The following KIF16B variants were observed in gnomAD, a reference collection of about 807,000 sequenced individuals.
KIF16B encodes the protein kinesin-like protein KIF16B.
In KIF16B, 98 loss-of-function variants were observed where a neutral mutation model predicts 156.3. The observed-to-expected ratio is 0.63, with a 90% CI of 0.53 to 0.74. The LOEUF (loss-of-function observed/expected upper bound fraction) is 0.74, where lower values mean the gene tolerates loss of function less well. KIF16B is among the 30% of genes least tolerant of loss of function. The pLI is 0.00. For synonymous variants in KIF16B, 564 were observed against 583.7 expected (o/e 0.97, Z 0.49); for missense variants, 1,421 against 1,606.5 (o/e 0.88, Z 1.97).
At chr20:16,381,491 T>TA (rs2065093500) in intron 18 of KIF16B, among the ~76,000 whole-genome samples, 1 of 150,588 alleles carries the variant, frequency 6.6e-6, no homozygotes, top group Non-Finnish European at 1.5e-5. Context: ...AGATGAACGT[T>TA]TAAAAAAATT....
chr20:16,371,607 G>T, intron 21 of KIF16B, 58 bp downstream of exon 21: 8 of 857,896 alleles, frequency 9.3e-6, no homozygotes, highest in East Asian at 2.8e-5. Flanking sequence ...AAAAAAAAAA[G>T]GAAAAAAGAA....
Position 16,573,362 on chromosome 20 carries a change from C to G in KIF16B, c.-87G>C. The G allele has an allele frequency of 7.0e-7, 1 of 1,420,894 alleles. No homozygotes were observed. The highest frequency in any genetic ancestry group is 9.7e-7 in the Non-Finnish European group (1 of 1,029,110). 88.0% of individuals were successfully genotyped at this position (1,420,894 alleles called of 1,614,324 possible). On this transcript the variant is annotated 5_prime_UTR_variant, in exon 1 of 26. Transcript: ENST00000354981. ...ACGCTGGCTACTCAGATCGCGGCTCCCGCCCACTTCCCTCTCGCCCCCGCC... is the reference window on the plus strand; with the variant it reads ...ACGCTGGCTACTCAGATCGCGGCTCGCGCCCACTTCCCTCTCGCCCCCGCC...
intron 12 of KIF16B, among the ~76,000 whole-genome samples, chr20:16,459,392 T>C (rs2067288867): frequency 6.6e-6 from 1 of 152,328 alleles, no homozygotes; most frequent in African/African-American, 2.4e-5. Context: ...AGGCCTTCCT[T>C]TACAGAGTCC....
chr20:16,343,280 G>A (rs2064172997), intron 23 of KIF16B, among the ~76,000 whole-genome samples: 1 of 152,098 alleles, frequency 6.6e-6, no homozygotes, highest in East Asian at 1.9e-4. Context: ...ATTCTCAATT[G>A]AGTGCTTCCC....
Position 16,515,528 on chromosome 20 carries a change from A to G in KIF16B, c.348+20T>C, listed in dbSNP as rs765478944. ...AAAGATAATGAGAAATTTCCTTCCC[A>G]CACAGTATAAACAACGTACAGAATT... On this transcript the variant is annotated intron_variant, in intron 4 of 25. Coordinates refer to ENST00000354981, the MANE Select transcript of KIF16B (RefSeq NM_024704.5). 2 of 1,284,836 alleles carry G rather than the reference A, an allele frequency of 1.6e-6. No individual in the cohort carries two copies. Among genetic ancestry groups the G allele is most frequent in the Non-Finnish European group, 1.1e-6 (1 of 880,970 alleles). The allele number at this position is 1,284,836 out of a possible 1,614,324, so 79.6% of individuals were successfully genotyped here.
chr20:16,361,538 T>C (rs2064552656), intron 22 of KIF16B, among the ~76,000 whole-genome samples: 1 of 152,208 alleles, frequency 6.6e-6, no homozygotes, highest in Non-Finnish European at 1.5e-5. Flanking sequence ...CGTGGCCATA[T>C]ATGCTACAGA....
Position 16,512,909 on chromosome 20 carries a change from T to G in KIF16B, c.363A>C (p.Leu121Phe), listed in dbSNP as rs2069004289. 6.2e-7 allele frequency: 1 copy of G among 1,610,418 alleles called. No homozygotes were observed. Among genetic ancestry groups the G allele is most frequent in the Non-Finnish European group, 8.5e-7 (1 of 1,176,622 alleles). Reference sequence around the variant, plus strand: ...AGAGTCCTTCACAGATCCGAGGTATTAAGCCAGAATCTCCCTGCATGGGAA... The same window carrying G: ...AGAGTCCTTCACAGATCCGAGGTATGAAGCCAGAATCTCCCTGCATGGGAA... ...TMMGNSGDSG[L>F]IPRICEGLFS... is the part of the protein sequence containing the mutation. Residue 121 changes from leucine to phenylalanine, a missense_variant, in exon 5 of 26, where the codon TTA becomes TTC. Physicochemically the swap from Leu to Phe is conservative, Grantham distance 22. Transcript: ENST00000354981.
intron 2 of KIF16B, 118 bp downstream of exon 2, chr20:16,528,253 C>A (rs1864778758): frequency 1.4e-6 from 1 of 734,178 alleles, no homozygotes. Flanking sequence ...ACGTGGCTAA[C>A]TGCACTGGAA....
At chr20:16,400,404 G>A (rs2065619394) in intron 17 of KIF16B, among the ~76,000 whole-genome samples, 1 of 152,206 alleles carries the variant, frequency 6.6e-6, no homozygotes. Context: ...CTTGTGCCCT[G>A]TTGGTGGGAA....
intron 6 of KIF16B, among the ~76,000 whole-genome samples, chr20:16,508,432 G>A (rs1460342432): frequency 6.6e-6 from 1 of 152,204 alleles, no homozygotes; most frequent in Admixed American, 6.5e-5. Context: ...TCGGTTTCAT[G>A]GAAGGCCATT....
intron 12 of KIF16B, among the ~76,000 whole-genome samples, chr20:16,479,829 T>C (rs73898787): frequency 0.029 from 4,344 of 152,278 alleles, 197 homozygotes; most frequent in African/African-American, 0.099. Context: ...TCTATGATGT[T>C]TGCACAATGA....
chr20:16,403,551 C>T (rs1233026377), intron 17 of KIF16B, among the ~76,000 whole-genome samples: 4 of 152,162 alleles, frequency 2.6e-5, no homozygotes, highest in Non-Finnish European at 1.5e-5. Context: ...AAGGCTGACA[C>T]AAGGGAGTCA....
chr20:16,286,457 T>C (rs1208874312), intron 25 of KIF16B, among the ~76,000 whole-genome samples: 1 of 152,104 alleles, frequency 6.6e-6, no homozygotes. Context: ...CTTTCTCTTA[T>C]CCTCATAAAA....
chr20:16,533,790 A>C (rs1412237189), intron 1 of KIF16B, among the ~76,000 whole-genome samples: 1 of 152,148 alleles, frequency 6.6e-6, no homozygotes, highest in Non-Finnish European at 1.5e-5. Context: ...GTGTTTCTCA[A>C]TGTCAATCTA....
At chr20:16,571,790 C>T (rs949717722) in intron 1 of KIF16B, among the ~76,000 whole-genome samples, 4 of 151,996 alleles carry the variant, frequency 2.6e-5, no homozygotes, top group East Asian at 1.9e-4. Context: ...CCACCACGCC[C>T]GGCTAATTTT....
chr20:16,279,062 G>C (rs1454997138), intron 25 of KIF16B, among the ~76,000 whole-genome samples: 1 of 152,168 alleles, frequency 6.6e-6, no homozygotes, highest in African/African-American at 2.4e-5. Flanking sequence ...GAATGCTTCG[G>C]TATCTCCCTT....
chr20:16,474,341 T>C (rs2067748811), intron 12 of KIF16B, among the ~76,000 whole-genome samples: 1 of 152,230 alleles, frequency 6.6e-6, no homozygotes. Flanking sequence ...GAATAACGAA[T>C]TTGTACATTG....
At chr20:16,532,765 T>C (rs1353950563) in intron 1 of KIF16B, among the ~76,000 whole-genome samples, 2 of 152,208 alleles carry the variant, frequency 1.3e-5, no homozygotes, top group East Asian at 3.9e-4. Flanking sequence ...ATTATCCAGC[T>C]ACATAGAAAT....
intron 25 of KIF16B, among the ~76,000 whole-genome samples, chr20:16,274,820 G>A (rs559634977): frequency 6.6e-6 from 1 of 152,288 alleles, no homozygotes; most frequent in East Asian, 1.9e-4. Context: ...CCCAAATGTC[G>A]ACGATGCCAC....
Sources: allele counts gnomAD v4.1 joint callset (sites outside exome capture counted in the v4.1 genomes callset), GRCh38; gene constraint gnomAD v4.1.1; transcripts MANE v1.5; gene names NCBI Gene and HGNC (gene_info 2026-07-23, HGNC 2026-07-21).